NBAS: variants seen among roughly 807,000 people sequenced by gnomAD.
The protein encoded by NBAS is NBAS subunit of NRZ tethering complex.
Under a neutral mutation model 302.5 loss-of-function variants are expected in NBAS, and 219 were observed. The ratio of observed to expected loss-of-function variants is 0.72; its 90% CI spans 0.65 to 0.81. The LOEUF is 0.81. NBAS is among the 30% of genes least tolerant of loss of function. NBAS has a pLI of 0.00. For synonymous variants in NBAS, 1,118 were observed against 1,021.6 expected (o/e 1.09, Z -1.80); for missense variants, 2,932 against 2,841.6 (o/e 1.03, Z -0.72).
rs769410687 is a variant in NBAS, at chr2:15,292,787, A to G, written c.4798-21T>C. On this transcript the variant is annotated intron_variant, in intron 40 of 51. Transcript: ENST00000281513. ...TCAGCCTATGAAAGACATGGAAAAG[A>G]AGACATTTTACCAACATCATACAAA... The G allele has an allele frequency of 1.5e-5, 24 of 1,610,150 alleles. 1 individual carries two copies. In the South Asian group the frequency reaches 2.2e-4, roughly 15 times the overall value.
the NBAS span, among the ~76,000 whole-genome samples, chr2:14,796,051 G>T: frequency 6.6e-6 from 1 of 152,184 alleles, no homozygotes; most frequent in Non-Finnish European, 1.5e-5. Context: ...GTTAAAGTTT[G>T]TGTTTTTTGC....
Position 15,561,292 on chromosome 2 carries a change from C to T in NBAS, c.13G>A (p.Glu5Lys), listed in dbSNP as rs115462597. The T allele has an allele frequency of 4.8e-5, 77 of 1,613,174 alleles. 1 individual carries two copies. The South Asian group carries it at 7.7e-4, about 16-fold the overall frequency. MAAP[E>K]SGPALSPGTA... ...CCTGGACTCAAAGCCGGCCCTGACTCGGGGGCCGCCATGTTCGCCGAGGAC... is the reference window on the plus strand; with the variant it reads ...CCTGGACTCAAAGCCGGCCCTGACTTGGGGGCCGCCATGTTCGCCGAGGAC... The change falls in exon 1 of 52, where the codon GAG (glutamate) becomes AAG (lysine). Residue 5 changes from glutamate (E) to lysine (K), a missense_variant. Glu to Lys is a moderately conservative substitution (Grantham distance 56, BLOSUM62 1). Coordinates refer to ENST00000281513, the MANE Select transcript of NBAS (RefSeq NM_015909.4).
the NBAS span, among the ~76,000 whole-genome samples, chr2:15,156,231 C>T: frequency 6.6e-6 from 1 of 152,156 alleles, no homozygotes; most frequent in Non-Finnish European, 1.5e-5. Context: ...TAGCTCTGTA[C>T]AAGCCATGGG....
the NBAS span, among the ~76,000 whole-genome samples, chr2:15,043,048 G>C: frequency 4.6e-5 from 7 of 152,294 alleles, no homozygotes; most frequent in African/African-American, 1.7e-4. Flanking sequence ...TTTGGTTCAT[G>C]AGCCATAGTT....
intron 28 of NBAS, among the ~76,000 whole-genome samples, chr2:15,388,826 T>C (rs1306780226): frequency 6.6e-6 from 1 of 152,106 alleles, no homozygotes; most frequent in African/African-American, 2.4e-5. Context: ...ACTAATGTTA[T>C]ACCAACAATA....
chr2:15,543,088 G>C (rs1663928583), intron 6 of NBAS, among the ~76,000 whole-genome samples: 1 of 152,214 alleles, frequency 6.6e-6, no homozygotes, highest in Admixed American at 6.5e-5. Flanking sequence ...CAATGAAGTT[G>C]TCTGAAAAGT....
chr2:15,406,095 A>G (rs1198368800), intron 25 of NBAS, among the ~76,000 whole-genome samples: 1 of 144,622 alleles, frequency 6.9e-6, no homozygotes, highest in Non-Finnish European at 1.5e-5. Context: ...CAAATATACA[A>G]TAACATGTAA....
In NBAS at chr2:15,534,655, G is replaced by A. The variant is rs75654401; in HGVS notation, c.648-14C>T. The A allele has an allele frequency of 4.2e-3, 6,687 of 1,581,652 alleles. 126 individuals are homozygous for A. The East Asian group carries it at 0.048, about 11-fold the overall frequency. ...TTTGTTCCAACACTAAATTTAAGAG[G>A]GTATGAAAGAAGTAAATACCATTAA... On this transcript the variant is annotated splice_polypyrimidine_tract_variant and intron_variant, in intron 8 of 51. Coordinates refer to ENST00000281513, the MANE Select transcript of NBAS (RefSeq NM_015909.4).
chr2:15,287,241 C>G (rs1318200124), intron 41 of NBAS, 58 bp from the exon 42 acceptor site: 14 of 1,390,588 alleles, frequency 1.0e-5, no homozygotes, highest in Non-Finnish European at 1.4e-5. Flanking sequence ...TGACTTCAAT[C>G]AGCAACGAAA....
intron 38 of NBAS, among the ~76,000 whole-genome samples, chr2:15,322,418 T>TA (rs1008553914): frequency 4.6e-5 from 7 of 151,870 alleles, no homozygotes; most frequent in Non-Finnish European, 8.8e-5. Flanking sequence ...AATAAAATTT[T>TA]AAAAAAACAG....
rs565666130 is a variant in NBAS at position 15,330,900 on chromosome 2, T to C, written c.4180-135A>G. The C allele has an allele frequency of 1.7e-5, 16 of 936,610 alleles. No homozygotes were observed. In the Admixed American group the frequency reaches 4.5e-4, roughly 27 times the overall value. The allele number at this position is 936,610 out of a possible 1,614,324, so 58.0% of individuals were successfully genotyped here. A position where few individuals can be genotyped will look rare whatever the true frequency, so the allele number is the denominator to read the frequency against. Reference sequence around the variant, plus strand: ...ACACATTTAAAAATCCATCCAACTTTGCTTGTAACAAAATAAATGTTAAAA... The same window carrying C: ...ACACATTTAAAAATCCATCCAACTTCGCTTGTAACAAAATAAATGTTAAAA... On this transcript the variant is annotated intron_variant, in intron 35 of 51. Transcript: ENST00000281513.
intron 11 of NBAS, among the ~76,000 whole-genome samples, chr2:15,494,060 G>T (rs77369038): frequency 6.6e-6 from 1 of 152,082 alleles, no homozygotes. Context: ...CTGACCTCAG[G>T]TGAACTGCCT....
the NBAS span, among the ~76,000 whole-genome samples, chr2:14,998,231 T>TATC: frequency 6.6e-6 from 1 of 152,202 alleles, no homozygotes; most frequent in Non-Finnish European, 1.5e-5. Flanking sequence ...CTTCCTTTGA[T>TATC]AGATTTTCAA....
the NBAS span, among the ~76,000 whole-genome samples, chr2:15,013,018 C>A: frequency 3.9e-5 from 6 of 152,164 alleles, no homozygotes; most frequent in Non-Finnish European, 8.8e-5. Flanking sequence ...CCACCATGCC[C>A]AGCTAATTTT....
chr2:15,535,821 C>T (rs1055772755), intron 8 of NBAS, among the ~76,000 whole-genome samples: 13 of 152,106 alleles, frequency 8.5e-5, no homozygotes, highest in African/African-American at 3.1e-4. Flanking sequence ...AGAGGGATGA[C>T]TGTATATTAT....
intron 49 of NBAS, 123 bp downstream of exon 49, chr2:15,190,141 A>T: frequency 8.8e-7 from 1 of 1,134,570 alleles, no homozygotes; most frequent in Non-Finnish European, 1.3e-6. Context: ...CTCTAAAGGC[A>T]AATACTGACT....
In NBAS at chr2:15,218,926, C is replaced by T. The variant is rs769795619; in HGVS notation, c.6279G>A (p.Arg2093=). 6.2e-7 allele frequency: 1 copy of T among 1,614,274 alleles called. No homozygotes were observed. Among genetic ancestry groups the T allele is most frequent in the South Asian group, 1.1e-5 (1 of 91,090 alleles). The part of the protein sequence containing the change: ...VSPEDLLEWL[R]PFCADDAWPV... Reference sequence around the variant, plus strand: ...GCCAGGCGTCATCAGCACAGAAAGGCCGCAGCCACTCCAGCAGGTCCTCAG... The same window carrying T: ...GCCAGGCGTCATCAGCACAGAAAGGTCGCAGCCACTCCAGCAGGTCCTCAG... The change falls in exon 48 of 52, where the codon CGG becomes CGA. Residue 2093 remains arginine (R), a synonymous_variant. Transcript: ENST00000281513.
At chr2:15,199,756 T>TATA (rs1156350446) in intron 48 of NBAS, among the ~76,000 whole-genome samples, 4 of 152,144 alleles carry the variant, frequency 2.6e-5, no homozygotes, top group African/African-American at 9.7e-5. Context: ...AACAAATACT[T>TATA]ATATGATGAT....
chr2:15,028,942 A>C, the NBAS span, among the ~76,000 whole-genome samples: 4 of 152,308 alleles, frequency 2.6e-5, no homozygotes, highest in Non-Finnish European at 5.9e-5. Context: ...ACAGCAAGGA[A>C]CTCATCGGTG....
Sources: allele counts gnomAD v4.1 joint callset (sites outside exome capture counted in the v4.1 genomes callset), GRCh38; gene constraint gnomAD v4.1.1; transcripts MANE v1.5; gene names NCBI Gene and HGNC (gene_info 2026-07-23, HGNC 2026-07-21).